HYCC2: variants seen among roughly 807,000 people sequenced by gnomAD.
HYCC2 encodes the protein hyccin 2.
chr2:201,033,149 A>G, the HYCC2 span, among the ~76,000 whole-genome samples: 46 of 114,848 alleles, frequency 4.0e-4, no homozygotes, highest in Middle Eastern at 4.2e-3. Context: ...AGCTATTTGT[A>G]TGTGTGTGTA....
chr2:201,050,172 C>T, the HYCC2 span, among the ~76,000 whole-genome samples: 1 of 151,332 alleles, frequency 6.6e-6, no homozygotes, highest in Non-Finnish European at 1.5e-5. Context: ...CATAACTGTG[C>T]CACAACACTC....
the HYCC2 span, among the ~76,000 whole-genome samples, chr2:201,047,589 C>T: frequency 3.3e-5 from 5 of 150,982 alleles, no homozygotes; most frequent in Admixed American, 1.3e-4. Flanking sequence ...AAATTCAGAA[C>T]GCTCTGCCAA....
chr2:200,998,970 G>A, the HYCC2 span, among the ~76,000 whole-genome samples: 1 of 152,188 alleles, frequency 6.6e-6, no homozygotes, highest in Non-Finnish European at 1.5e-5. Flanking sequence ...AAAGAATGGA[G>A]ATTTATTCTC....
At chr2:201,032,709 T>C in the HYCC2 span, among the ~76,000 whole-genome samples, 1 of 152,184 alleles carries the variant, frequency 6.6e-6, no homozygotes, top group Non-Finnish European at 1.5e-5. Context: ...TCAGCTGGAC[T>C]GCAGTGGTGC....
chr2:201,027,424 A>T, the HYCC2 span, among the ~76,000 whole-genome samples: 2 of 152,194 alleles, frequency 1.3e-5, no homozygotes, highest in Non-Finnish European at 2.9e-5. Context: ...AAACTATTCC[A>T]ATCAATAGAA....
At chr2:201,013,786 T>C in the HYCC2 span, among the ~76,000 whole-genome samples, 4 of 152,248 alleles carry the variant, frequency 2.6e-5, no homozygotes, top group African/African-American at 9.6e-5. Flanking sequence ...ATTTTATTCT[T>C]AAATTTCAAA....
At chr2:201,010,091 G>A in the HYCC2 span, among the ~76,000 whole-genome samples, 4 of 143,768 alleles carry the variant, frequency 2.8e-5, no homozygotes, top group South Asian at 2.2e-4. Flanking sequence ...GTGACAGAGC[G>A]AGACTCTGTC....
At chr2:201,046,247 G>A in the HYCC2 span, among the ~76,000 whole-genome samples, 2 of 152,126 alleles carry the variant, frequency 1.3e-5, no homozygotes, top group Non-Finnish European at 1.5e-5. Context: ...TCATGTGTTT[G>A]CTGACTACAT....
At chr2:200,981,892 G>T in the HYCC2 span, 1 of 1,573,818 alleles carries the variant, frequency 6.4e-7, no homozygotes, top group East Asian at 2.3e-5. This position sits in a 1 kb window ranked among gnomAD's most constrained non-coding sequence, Gnocchi z 4.5. Context: ...AAATCAGACA[G>T]ACTCAGCAAT....
chr2:201,036,278 G>C, the HYCC2 span, among the ~76,000 whole-genome samples: 1 of 152,106 alleles, frequency 6.6e-6, no homozygotes, highest in East Asian at 1.9e-4. Context: ...AAGAGTCCAG[G>C]ACTAAATGGA....
chr2:201,047,786 T>C, the HYCC2 span, among the ~76,000 whole-genome samples: 1 of 141,414 alleles, frequency 7.1e-6, no homozygotes, highest in Non-Finnish European at 1.5e-5. Flanking sequence ...CAAAATATAA[T>C]AGAATAACAC....
chr2:201,069,657 G>A, the HYCC2 span, among the ~76,000 whole-genome samples: 17 of 151,364 alleles, frequency 1.1e-4, no homozygotes, highest in Non-Finnish European at 2.1e-4. Context: ...AAACACTACA[G>A]AATTCCACCT....
chr2:201,011,309 T>A, the HYCC2 span: 3 of 746,270 alleles, frequency 4.0e-6, no homozygotes, highest in Non-Finnish European at 6.4e-6. Flanking sequence ...ATTTTAGGAA[T>A]ATTTATCTCT....
chr2:201,047,209 C>T, the HYCC2 span, among the ~76,000 whole-genome samples: 1 of 151,972 alleles, frequency 6.6e-6, no homozygotes, highest in Non-Finnish European at 1.5e-5. Flanking sequence ...ACATCAGTCT[C>T]ATAATCTGAA....
At chr2:201,009,721 A>G in the HYCC2 span, among the ~76,000 whole-genome samples, 7 of 151,954 alleles carry the variant, frequency 4.6e-5, no homozygotes, top group Non-Finnish European at 1.0e-4. Context: ...CGGCCTCCCA[A>G]AGTGCTGGGA....
the HYCC2 span, among the ~76,000 whole-genome samples, chr2:201,026,697 C>A: frequency 1.3e-5 from 2 of 152,156 alleles, no homozygotes. Context: ...AAGTGAATAA[C>A]CTGCTCCTGA....
chr2:201,051,290 C>T, the HYCC2 span, among the ~76,000 whole-genome samples: 1 of 151,846 alleles, frequency 6.6e-6, no homozygotes, highest in Non-Finnish European at 1.5e-5. Context: ...AAAACTTTAC[C>T]CTCTGAGGTT....
chr2:201,020,638 C>T, the HYCC2 span, among the ~76,000 whole-genome samples: 1 of 152,152 alleles, frequency 6.6e-6, no homozygotes, highest in Non-Finnish European at 1.5e-5. Context: ...CTAGAGAAGA[C>T]AGAATCCAGG....
At chr2:201,043,749 C>T in the HYCC2 span, among the ~76,000 whole-genome samples, 1 of 152,012 alleles carries the variant, frequency 6.6e-6, no homozygotes, top group Non-Finnish European at 1.5e-5. Flanking sequence ...ACCTCGTGAT[C>T]CACCCGCCTC....
Sources: gnomAD v4.1 joint callset for allele counts (sites outside exome capture counted in the v4.1 genomes callset) on GRCh38, gnomAD v4.1.1 for gene constraint, Gnocchi (gnomAD v3.1) non-coding constraint, MANE v1.5 for transcripts, NCBI Gene and HGNC (gene_info 2026-07-23, HGNC 2026-07-21) for gene names.